Variants in RNF216 observed in about 807,000 individuals in gnomAD.
RNF216 encodes E3 ubiquitin-protein ligase RNF216.
RNF216 carries 72 observed loss-of-function variants against 110.8 expected under a neutral mutation model. The observed-to-expected ratio is 0.65, with a 90% CI of 0.54 to 0.79. The LOEUF is 0.79. Ranked by LOEUF, RNF216 falls within the 30% of genes least tolerant of loss-of-function variation. The probability of loss-of-function intolerance (pLI) is 0.00; values close to 1 mark genes in which losing one functional copy is unlikely to be tolerated. For synonymous variants in RNF216, 495 were observed against 407.5 expected, an observed-to-expected ratio of 1.21 and a Z score of -2.59; for missense variants, 1,342 against 1,141.2, an observed-to-expected ratio of 1.18 and a Z score of -2.54.
rs576395643 is a variant in RNF216, at chr7:5,667,856, C to A, written c.2062-15346G>T. ...CTGACAACAGCTGGACTTAAAGTCA[C>A]TGGATCAGATTGGGGAAAGGAGCCA... On this transcript the variant is annotated intron_variant, in intron 13 of 16. Transcript: ENST00000389902. 9.2e-5 allele frequency among the ~76,000 whole-genome samples: 14 copies of A among 152,300 alleles called. No homozygotes were observed. In the South Asian group the frequency reaches 2.9e-3, roughly 32 times the overall value.
At chr7:5,743,566 A>C (rs1162684096) in intron 3 of RNF216, among the ~76,000 whole-genome samples, 3 of 152,254 alleles carry the variant, frequency 2.0e-5, no homozygotes, top group Non-Finnish European at 4.4e-5. Context: ...GCAAGCTGCA[A>C]AATCATACAC....
intron 4 of RNF216, among the ~76,000 whole-genome samples, chr7:5,739,935 G>T (rs190041417): frequency 6.6e-6 from 1 of 151,248 alleles, no homozygotes; most frequent in Non-Finnish European, 1.5e-5. Flanking sequence ...CCCAGGAGGC[G>T]GAGGTTGCAG....
chr7:5,641,821 G>A (rs1306519409), intron 14 of RNF216, among the ~76,000 whole-genome samples: 3 of 151,936 alleles, frequency 2.0e-5, no homozygotes, highest in South Asian at 4.2e-4. Context: ...GATCATTTGA[G>A]CTCAGGAGTT....
At chr7:5,675,067 C>T (rs1048480063) in intron 13 of RNF216, among the ~76,000 whole-genome samples, 2 of 152,106 alleles carry the variant, frequency 1.3e-5, no homozygotes, top group Non-Finnish European at 2.9e-5. Flanking sequence ...TGCTGAAAAG[C>T]CAGCTTCATA....
At chr7:5,705,031 T>C (rs1203458198) in intron 13 of RNF216, among the ~76,000 whole-genome samples, 2 of 152,212 alleles carry the variant, frequency 1.3e-5, no homozygotes, top group African/African-American at 2.4e-5. Context: ...AAACTTAGCA[T>C]GGCCCAGCAT....
At chr7:5,628,522 G>T (rs1251050822) in intron 15 of RNF216, among the ~76,000 whole-genome samples, 4 of 152,050 alleles carry the variant, frequency 2.6e-5, no homozygotes, top group Non-Finnish European at 5.9e-5. Flanking sequence ...CTAAAGGGAA[G>T]ATTTCTTTCC....
intron 13 of RNF216, among the ~76,000 whole-genome samples, chr7:5,669,989 CG>C (rs1789798782): frequency 6.6e-6 from 1 of 151,574 alleles, no homozygotes. Context: ...TGCAGTGGCG[CG>C]ATCTTGGCTC....
intron 8 of RNF216, among the ~76,000 whole-genome samples, chr7:5,723,511 G>A (rs1414501660): frequency 6.6e-6 from 1 of 151,998 alleles, no homozygotes; most frequent in Admixed American, 6.6e-5. Flanking sequence ...GCCGGACTCG[G>A]TGGCGGGCAC....
chr7:5,726,768 A>C (rs999620063), intron 7 of RNF216, among the ~76,000 whole-genome samples: 6 of 151,880 alleles, frequency 4.0e-5, no homozygotes, highest in African/African-American at 1.5e-4. Flanking sequence ...CTAAGGCATG[A>C]GAATCAGTGA....
chr7:5,682,740 G>A (rs890624430), intron 13 of RNF216, among the ~76,000 whole-genome samples: 1 of 152,130 alleles, frequency 6.6e-6, no homozygotes, highest in Non-Finnish European at 1.5e-5. Context: ...GCATGTAATA[G>A]AGTTAGAATA....
chr7:5,753,349 T>C (rs1185153578), intron 2 of RNF216, among the ~76,000 whole-genome samples: 1 of 152,246 alleles, frequency 6.6e-6, no homozygotes, highest in African/African-American at 2.4e-5. Flanking sequence ...TTTATTTAAA[T>C]TGTTTGGTCT....
chr7:5,681,799 A>T (rs769572532), intron 13 of RNF216, among the ~76,000 whole-genome samples: 32 of 152,198 alleles, frequency 2.1e-4, no homozygotes, highest in Non-Finnish European at 2.4e-4. Context: ...GCCATCCCTC[A>T]ATCCTGACTA....
intron 15 of RNF216, among the ~76,000 whole-genome samples, chr7:5,632,837 A>G (rs117506427): frequency 6.6e-6 from 1 of 152,146 alleles, no homozygotes; most frequent in Non-Finnish European, 1.5e-5. Flanking sequence ...GTACCTATGG[A>G]TCACAGTGGG....
chr7:5,726,715 T>C (rs1364942836), intron 7 of RNF216, among the ~76,000 whole-genome samples: 3 of 151,948 alleles, frequency 2.0e-5, no homozygotes, highest in Non-Finnish European at 4.4e-5. Context: ...AAAAATTAGC[T>C]GGACGTGGTA....
rs1471118145 is a variant in RNF216, at chr7:5,696,136, AAC to A, written c.2061+15623_2061+15624del. Among the ~76,000 whole-genome samples, 1 of 152,194 alleles carries A rather than the reference AAC, an allele frequency of 6.6e-6. No individual in the cohort carries two copies. The highest frequency in any genetic ancestry group is 1.5e-5 in the Non-Finnish European group (1 of 68,038). ...TCCAGACAAATCCAGCCCAAGGGGA[AAC>A]ACACTGACATCCACAGTCCATGTGG... On this transcript the variant is annotated intron_variant, in intron 13 of 16. Transcript: ENST00000389902. This position sits in a 1 kb window ranked among gnomAD's most constrained non-coding sequence, Gnocchi z 5.4.
chr7:5,709,851 C>G (rs1011558010), intron 13 of RNF216, among the ~76,000 whole-genome samples: 2 of 152,186 alleles, frequency 1.3e-5, no homozygotes, highest in African/African-American at 4.8e-5. Context: ...ATCTCCTGGG[C>G]TCAACTGATT....
At chr7:5,779,657 A>T (rs1464597353) in intron 1 of RNF216, among the ~76,000 whole-genome samples, 1 of 456 alleles carries the variant, frequency 2.2e-3, no homozygotes, top group African/African-American at 4.8e-3. Flanking sequence ...TCCGTCTCTT[A>T]AAAAAAAAAA....
intron 15 of RNF216, among the ~76,000 whole-genome samples, chr7:5,627,106 G>A (rs1786756642): frequency 6.6e-6 from 1 of 152,204 alleles, no homozygotes; most frequent in Non-Finnish European, 1.5e-5. Flanking sequence ...GATGGCACAA[G>A]GGGGTACCTC....
Position 5,752,906 on chromosome 7 carries a change from G to A in RNF216, c.141C>T (p.Val47=). 1 of 1,612,046 alleles carries A rather than the reference G, an allele frequency of 6.2e-7. No homozygotes were observed. Among genetic ancestry groups the A allele is most frequent in the Non-Finnish European group, 8.5e-7 (1 of 1,179,076 alleles). ...CTTCATGCTGCTGAGGAGCTGGGGT[G>A]ACCAGCATTGGAATCCTTTCCTCAT... ...SSDEERIPML[V]TPAPQQHEEE... Residue 47 remains valine (V), a synonymous_variant, in exon 3 of 17, where the codon GTC becomes GTT. Coordinates refer to ENST00000389902, the MANE Select transcript of RNF216 (RefSeq NM_207111.4).
Sources: gnomAD v4.1 joint callset for allele counts (sites outside exome capture counted in the v4.1 genomes callset) on GRCh38, gnomAD v4.1.1 for gene constraint, Gnocchi (gnomAD v3.1) non-coding constraint, MANE v1.5 for transcripts, NCBI Gene and HGNC (gene_info 2026-07-23, HGNC 2026-07-21) for gene names.